The following OSBPL10 variants were observed in gnomAD, a reference collection of about 807,000 sequenced individuals.
OSBPL10 encodes oxysterol-binding protein-related protein 10.
In OSBPL10, 49 loss-of-function variants were observed where a neutral mutation model predicts 81.7. The ratio of observed to expected loss-of-function variants is 0.60; its 90% CI spans 0.48 to 0.76. The LOEUF (loss-of-function observed/expected upper bound fraction) is 0.76, where lower values mean the gene tolerates loss of function less well. OSBPL10 is among the 30% of genes least tolerant of loss of function. The pLI, the probability that OSBPL10 is intolerant of heterozygous loss-of-function variation, is 0.00. For missense variants in OSBPL10, 923 were observed against 987.8 expected (o/e 0.93, Z 0.88); for synonymous variants, 419 against 383.6 (o/e 1.09, Z -1.08).
intron 3 of OSBPL10, among the ~76,000 whole-genome samples, chr3:31,856,069 TACACACACACACACACACACACACAC>T (rs10576489): frequency 4.5e-5 from 6 of 134,478 alleles, no homozygotes; most frequent in East Asian, 4.3e-4. Flanking sequence ...ATGTTTATAT[TACACACACACACACACACACACACAC>T]ACACACACAC....
At chr3:31,692,274 G>T (rs1304165852) in intron 7 of OSBPL10, among the ~76,000 whole-genome samples, 3 of 152,110 alleles carry the variant, frequency 2.0e-5, no homozygotes, top group African/African-American at 7.2e-5. Context: ...TGTAAAAATA[G>T]AGAAAATAAA....
Position 31,803,258 on chromosome 3 carries a change from G to A in OSBPL10, c.729+26782C>T, listed in dbSNP as rs182350847. ...CAGCCCCCCTTCTCCCCAGAGAGGCGCTGGCCTGAGGTCAGCTGAAGAGGC... is the reference window on the plus strand; with the variant it reads ...CAGCCCCCCTTCTCCCCAGAGAGGCACTGGCCTGAGGTCAGCTGAAGAGGC... On this transcript the variant is annotated intron_variant, in intron 4 of 11. Coordinates refer to ENST00000396556, the MANE Select transcript of OSBPL10 (RefSeq NM_017784.5). 1.1e-3 allele frequency among the ~76,000 whole-genome samples: 169 copies of A among 152,270 alleles called. 4 individuals are homozygous for A. The highest frequency in any genetic ancestry group is 3.4e-3 in the African/African-American group (141 of 41,542).
intron 4 of OSBPL10, among the ~76,000 whole-genome samples, chr3:31,821,110 C>A (rs981653560): frequency 1.3e-5 from 2 of 152,084 alleles, no homozygotes; most frequent in African/African-American, 2.4e-5. Context: ...TCCCCCACCC[C>A]ACCCAGCCAT....
intron 1 of OSBPL10, among the ~76,000 whole-genome samples, chr3:31,941,627 A>C (rs1697538586): frequency 6.6e-6 from 1 of 152,178 alleles, no homozygotes; most frequent in South Asian, 2.1e-4. Flanking sequence ...TGTATTCCAT[A>C]ATCATTTTTA....
chr3:31,831,648 A>C (rs139602798), intron 3 of OSBPL10, among the ~76,000 whole-genome samples: 2 of 152,344 alleles, frequency 1.3e-5, no homozygotes, highest in East Asian at 1.9e-4. Context: ...AATATGTTCA[A>C]CTGTACTCAG....
chr3:31,761,303 C>T (rs1698031143), intron 4 of OSBPL10, among the ~76,000 whole-genome samples: 1 of 151,630 alleles, frequency 6.6e-6, no homozygotes, highest in South Asian at 2.1e-4. Flanking sequence ...GAAACCCAAT[C>T]TCTACTGAAA....
intron 6 of OSBPL10, among the ~76,000 whole-genome samples, chr3:31,719,078 G>A (rs1191795181): frequency 2.6e-5 from 4 of 152,174 alleles, no homozygotes; most frequent in African/African-American, 9.7e-5. Context: ...CCCACATGTA[G>A]AATCACCTGC....
intron 3 of OSBPL10, among the ~76,000 whole-genome samples, chr3:31,846,635 T>TAAATAAATA (rs910529521): frequency 1.8e-4 from 2 of 11,154 alleles, no homozygotes; most frequent in African/African-American, 4.1e-4. Context: ...TCCATCTCAA[T>TAAATAAATA]AAATAAATAA....
At chr3:31,734,417 T>C (rs917147799) in intron 5 of OSBPL10, among the ~76,000 whole-genome samples, 2 of 152,168 alleles carry the variant, frequency 1.3e-5, no homozygotes, top group Non-Finnish European at 2.9e-5. Flanking sequence ...TGGATTTCTT[T>C]ACCCCATAGC....
At chr3:31,726,228 G>A (rs1472576290) in intron 6 of OSBPL10, among the ~76,000 whole-genome samples, 1 of 152,108 alleles carries the variant, frequency 6.6e-6, no homozygotes, top group Non-Finnish European at 1.5e-5. Flanking sequence ...CTTGGAGTAG[G>A]TATGTGATCT....
intron 4 of OSBPL10, among the ~76,000 whole-genome samples, chr3:31,827,650 T>A (rs1319543410): frequency 7.4e-5 from 11 of 148,482 alleles, no homozygotes; most frequent in East Asian, 3.9e-4. Flanking sequence ...AAAAAAAAAA[T>A]TTTTTTTAGA....
chr3:31,921,893 A>G (rs986026827), intron 1 of OSBPL10, among the ~76,000 whole-genome samples: 1 of 152,222 alleles, frequency 6.6e-6, no homozygotes, highest in Non-Finnish European at 1.5e-5. Flanking sequence ...CCTTGATATG[A>G]TGTGATAAAA....
At chr3:31,719,984 T>C (rs888463978) in intron 6 of OSBPL10, among the ~76,000 whole-genome samples, 133 of 150,890 alleles carry the variant, frequency 8.8e-4, no homozygotes, top group African/African-American at 3.0e-3. Context: ...TAATTGACAA[T>C]TGAAAAGCCA....
At chr3:31,916,633 A>G (rs73061474) in intron 1 of OSBPL10, among the ~76,000 whole-genome samples, 30 of 152,336 alleles carry the variant, frequency 2.0e-4, no homozygotes, top group Non-Finnish European at 3.4e-4. Flanking sequence ...TACAGTAAAA[A>G]TGTAAATGTT....
intron 3 of OSBPL10, among the ~76,000 whole-genome samples, chr3:31,865,910 C>T (rs1701167795): frequency 6.6e-6 from 1 of 152,124 alleles, no homozygotes; most frequent in African/African-American, 2.4e-5. Flanking sequence ...GTGCATTTTT[C>T]TTTCCAAGTA....
At chr3:31,707,386 G>A (rs192031677) in intron 6 of OSBPL10, 4 of 152,274 alleles carry the variant, frequency 2.6e-5, no homozygotes, top group Admixed American at 2.6e-4. Context: ...AACCTATATG[G>A]CAAGGACAGA....
intron 1 of OSBPL10, among the ~76,000 whole-genome samples, chr3:32,077,109 C>T (rs1317081723): frequency 6.6e-6 from 1 of 152,138 alleles, no homozygotes; most frequent in Non-Finnish European, 1.5e-5. Flanking sequence ...TGGGAAAGGG[C>T]TATTATCGTC....
intron 1 of OSBPL10, among the ~76,000 whole-genome samples, chr3:31,924,251 G>T (rs78921139): frequency 1.3e-5 from 2 of 151,278 alleles, no homozygotes; most frequent in East Asian, 3.9e-4. Flanking sequence ...AAGAAAAAAA[G>T]AAATATATTT....
At chr3:31,814,847 G>A (rs1699795540) in intron 4 of OSBPL10, among the ~76,000 whole-genome samples, 1 of 152,184 alleles carries the variant, frequency 6.6e-6, no homozygotes, top group Non-Finnish European at 1.5e-5. Context: ...ATATACCTAA[G>A]GCACAAAAGT....
Sources: gnomAD v4.1 joint callset for allele counts (sites outside exome capture counted in the v4.1 genomes callset) on GRCh38, gnomAD v4.1.1 for gene constraint, MANE v1.5 for transcripts, NCBI Gene and HGNC (gene_info 2026-07-23, HGNC 2026-07-21) for gene names.